The following KNTC1 variants were observed in gnomAD, a reference collection of about 807,000 sequenced individuals.
KNTC1 encodes the protein kinetochore associated 1, also known as kinetochore-associated protein 1.
Under a neutral mutation model 314.4 loss-of-function variants are expected in KNTC1, and 253 were observed. The observed-to-expected ratio is 0.80, with a 90% CI of 0.73 to 0.89. The LOEUF (loss-of-function observed/expected upper bound fraction) is 0.89. KNTC1 is among the 40% of genes least tolerant of loss of function. The pLI is 0.00. For missense variants in KNTC1, 2,475 were observed against 2,572.9 expected, an observed-to-expected ratio of 0.96 and a Z score of 0.82; for synonymous variants, 901 against 901.4, an observed-to-expected ratio of 1.00 and a Z score of 0.01.
At chr12:122,585,539 T>G (rs1869139469) in intron 36 of KNTC1, 97 bp from the exon 37 acceptor site, 5 of 1,348,188 alleles carry the variant, frequency 3.7e-6, no homozygotes, top group Non-Finnish European at 2.1e-6. Context: ...TGTTAGAGTT[T>G]AACTTAAAAT....
chr12:122,570,493 G>A (rs1196285337), intron 22 of KNTC1, among the ~76,000 whole-genome samples: 1 of 149,570 alleles, frequency 6.7e-6, no homozygotes, highest in Non-Finnish European at 1.5e-5. Context: ...CAGCATGGGT[G>A]ATGAGCGAAA....
chr12:122,544,050 C>CA (rs34718872), intron 7 of KNTC1, 109 bp from the exon 8 acceptor site: 20,929 of 328,378 alleles, frequency 0.064, 12 homozygotes, highest in Middle Eastern at 0.073. Flanking sequence ...ACTCTGTCTC[C>CA]AAAAAAAAAA....
At chr12:122,603,476 A>G (rs542389070) in intron 48 of KNTC1, among the ~76,000 whole-genome samples, 31 of 151,460 alleles carry the variant, frequency 2.0e-4, no homozygotes, top group Non-Finnish European at 4.6e-4. Flanking sequence ...AGTGATGGGT[A>G]CTTTTAATAT....
chr12:122,560,098 A>G (rs1963877947), intron 18 of KNTC1, among the ~76,000 whole-genome samples: 1 of 152,188 alleles, frequency 6.6e-6, no homozygotes, highest in African/African-American at 2.4e-5. Flanking sequence ...TCATTTAATC[A>G]TTTAAGACAG....
At chr12:122,556,121 A>T (rs1963572969) in intron 16 of KNTC1, among the ~76,000 whole-genome samples, 1 of 151,682 alleles carries the variant, frequency 6.6e-6, no homozygotes, top group African/African-American at 2.4e-5. Flanking sequence ...GGTTCGTGTG[A>T]TTCTCATGCC....
At chr12:122,549,232 T>C (rs576928050) in intron 12 of KNTC1, among the ~76,000 whole-genome samples, 1 of 152,178 alleles carries the variant, frequency 6.6e-6, no homozygotes, top group East Asian at 1.9e-4. Flanking sequence ...TATTTTGGTA[T>C]TTTTAGTAGA....
chr12:122,614,344 G>A (rs1472629293), intron 55 of KNTC1, among the ~76,000 whole-genome samples: 1 of 152,144 alleles, frequency 6.6e-6, no homozygotes, highest in Non-Finnish European at 1.5e-5. Flanking sequence ...AGAGGAGACT[G>A]TCCGGTAGAC....
Position 122,530,182 on chromosome 12 carries a change from C to T in KNTC1, c.119C>T (p.Ser40Phe), listed in dbSNP as rs1184407730. The T allele has an allele frequency of 3.1e-6, 5 of 1,613,022 alleles. No individual in the cohort carries two copies. ...LYQVDLLVKI[S>F]SEKASLNPKI... ...CAAGTAGATTTGCTAGTGAAGATCT[C>T]TTCTGAAAAGGTAGTGATTATTACA... The change falls in exon 2 of 64, where the codon TCT becomes TTT. Residue 40 changes from serine to phenylalanine, a missense_variant. Ser to Phe is a radical substitution (Grantham distance 155). Transcript: ENST00000333479.
In KNTC1 at chr12:122,602,824, T is replaced by C; in HGVS notation, c.4826-5T>C. 6.2e-7 allele frequency: 1 copy of C among 1,612,802 alleles called. No individual in the cohort carries two copies. Among genetic ancestry groups the C allele is most frequent in the East Asian group, 2.2e-5 (1 of 44,874 alleles). On this transcript the variant is annotated splice_region_variant and splice_polypyrimidine_tract_variant and intron_variant, in intron 46 of 63. Transcript: ENST00000333479. ...CAAATCGTACTTTCCTTGTTTCCTT[T>C]CTAGCTACAGAACTCAGTGAAGAAT...
At position 122,573,016 on chromosome 12, in the gene KNTC1, G is replaced by A; in HGVS notation, c.2099G>A (p.Arg700Lys). The A allele has an allele frequency of 1.2e-6, 2 of 1,611,244 alleles. No homozygotes were observed. The highest frequency in any genetic ancestry group is 1.7e-6 in the Non-Finnish European group (2 of 1,178,380). Residue 700 changes from arginine to lysine, a missense_variant, in exon 25 of 64, where the codon AGG (arginine) becomes AAG (lysine). Coordinates refer to ENST00000333479, the MANE Select transcript of KNTC1 (RefSeq NM_014708.6). ...TTGCGAGAGTTGATCACGTTGCATA[G>A]GAAGTACAACTGCAAATTAGCCCTC... is the stretch of plus-strand genomic sequence containing the variant. Reference protein sequence around the residue: ...NNLRELITLHRKYNCKLALSD... With the variant: ...NNLRELITLHKKYNCKLALSD...
intron 8 of KNTC1, among the ~76,000 whole-genome samples, chr12:122,545,004 A>T (rs1381082873): frequency 6.6e-6 from 1 of 152,188 alleles, no homozygotes; most frequent in Admixed American, 6.6e-5. Context: ...GTGGACAAGG[A>T]TGCACGTAGA....
intron 20 of KNTC1, among the ~76,000 whole-genome samples, chr12:122,563,977 T>A (rs1459941811): frequency 6.6e-6 from 1 of 152,208 alleles, no homozygotes; most frequent in Non-Finnish European, 1.5e-5. Flanking sequence ...TATGGTTCAA[T>A]GTTTTTTATA....
chr12:122,608,356 C>A (rs1160903223), intron 51 of KNTC1, among the ~76,000 whole-genome samples: 1 of 152,172 alleles, frequency 6.6e-6, no homozygotes, highest in Non-Finnish European at 1.5e-5. Context: ...TCTCGAACTC[C>A]TGAGCTTAGG....
intron 21 of KNTC1, among the ~76,000 whole-genome samples, chr12:122,568,607 C>T (rs1264106696): frequency 1.3e-5 from 2 of 152,154 alleles, no homozygotes; most frequent in Non-Finnish European, 2.9e-5. Context: ...GAGGCCGAGG[C>T]GGGCTGATCA....
At chr12:122,618,298 A>G (rs750600661) in intron 57 of KNTC1, 45 bp from the exon 58 acceptor site, 3 of 1,565,648 alleles carry the variant, frequency 1.9e-6, no homozygotes, top group Middle Eastern at 1.7e-4. Context: ...GAGAGTTTGT[A>G]ATATCCTTAA....
intron 36 of KNTC1, among the ~76,000 whole-genome samples, 190 bp from the exon 37 acceptor site, chr12:122,585,446 T>C (rs967374754): frequency 6.6e-6 from 1 of 152,254 alleles, no homozygotes; most frequent in Non-Finnish European, 1.5e-5. Context: ...CACTTCTCTG[T>C]TCCAGTCACT....
At chr12:122,601,346 A>G (rs1009924628) in intron 44 of KNTC1, among the ~76,000 whole-genome samples, 190 bp from the exon 45 acceptor site, 2 of 152,110 alleles carry the variant, frequency 1.3e-5, no homozygotes, top group Non-Finnish European at 2.9e-5. Context: ...CGGCCTCCCA[A>G]AGTGCTAGGA....
intron 30 of KNTC1, 132 bp from the exon 31 acceptor site, chr12:122,577,540 T>G: frequency 1.0e-6 from 1 of 958,544 alleles, no homozygotes; most frequent in Non-Finnish European, 1.5e-6. Context: ...TTTCGGATTA[T>G]TAAAACATTG....
chr12:122,611,563 A>C (rs1407527780), intron 53 of KNTC1: 1 of 152,314 alleles, frequency 6.6e-6, no homozygotes, highest in African/African-American at 2.4e-5. Context: ...AGTGCAGCTC[A>C]CAGCTCAGCT....
Sources: allele counts gnomAD v4.1 joint callset (sites outside exome capture counted in the v4.1 genomes callset), GRCh38; gene constraint gnomAD v4.1.1; transcripts MANE v1.5; gene names NCBI Gene and HGNC (gene_info 2026-07-23, HGNC 2026-07-21).